The following NFRKB variants were observed in gnomAD, a reference collection of about 807,000 sequenced individuals.
NFRKB encodes nuclear factor related to kappa-B-binding protein.
A neutral mutation model predicts 135.7 loss-of-function variants in NFRKB; 62 were observed. The ratio of observed to expected loss-of-function variants is 0.46; its 90% CI spans 0.37 to 0.56. The LOEUF is 0.56. Among genes scored for constraint, NFRKB ranks in the 20% least tolerant of loss-of-function variants. The pLI, the probability that NFRKB is intolerant of heterozygous loss-of-function variation, is 0.00. For missense variants in NFRKB, 1,545 were observed against 1,662.0 expected (o/e 0.93, Z 1.22); for synonymous variants, 678 against 635.6 (o/e 1.07, Z -1.00).
chr11:129,875,455 C>T lies in NFRKB; in HGVS notation c.1756G>A (p.Ala586Thr), dbSNP rs1411585753. Residue 586 changes from alanine (A) to threonine (T), a missense_variant, in exon 18 of 27, where the codon GCT becomes ACT. Around this residue, in one of 3 missense-constraint regions of NFRKB, gnomAD observed 114 missense variants for 211.0 expected, o/e 0.54. Coordinates refer to ENST00000682444, the MANE Select transcript of NFRKB (RefSeq NM_001143835.2). Reference protein sequence around the residue: ...YVTILSLVRDAAARLPNGEGT... With the variant: ...YVTILSLVRDTAARLPNGEGT... ...TCTCCATTAGGCAGTCGAGCCGCAG[C>T]GTCCCGAACTGATGACATGAGAAAG... 1.2e-6 allele frequency: 2 copies of T among 1,602,930 alleles called. No individual in the cohort carries two copies. The highest frequency in any genetic ancestry group is 1.7e-6 in the Non-Finnish European group (2 of 1,175,382).
At chr11:129,888,016 G>A (rs1011077975) in intron 4 of NFRKB, among the ~76,000 whole-genome samples, 1 of 152,036 alleles carries the variant, frequency 6.6e-6, no homozygotes, top group African/African-American at 2.4e-5. Flanking sequence ...CAGCCTGGGC[G>A]ACACAGCGAG....
Position 129,888,655 on chromosome 11 carries a change from C to G in NFRKB, c.276G>C (p.Leu92Phe). 6.2e-7 allele frequency: 1 copy of G among 1,614,202 alleles called. No individual in the cohort carries two copies. Among genetic ancestry groups the G allele is most frequent in the Non-Finnish European group, 8.5e-7 (1 of 1,180,044 alleles). Residue 92 changes from leucine (L) to phenylalanine (F), a missense_variant, in exon 4 of 27, where the codon TTG (leucine) becomes TTC (phenylalanine). Leu to Phe is a conservative substitution (Grantham distance 22, BLOSUM62 0). Transcript: ENST00000682444. ...AEQQNELILA[L>F]FSGENFRFGN... ...CAAAGCGGAAGTTCTCCCCACTGAA[C>G]AAGGCTAAGATGAGTTCATTCTGCT...
Position 129,886,308 on chromosome 11 carries a change from A to G in NFRKB, c.465+9T>C. The G allele has an allele frequency of 6.2e-7, 1 of 1,613,536 alleles. No individual in the cohort carries two copies. The highest frequency in any genetic ancestry group is 8.5e-7 in the Non-Finnish European group (1 of 1,179,624). On this transcript the variant is annotated intron_variant, in intron 5 of 26. Coordinates refer to ENST00000682444, the MANE Select transcript of NFRKB (RefSeq NM_001143835.2). ...CCACATTTTATATCCAGTTCCCAGC[A>G]CTACTTACACTCCGGGAAGCAAGAA...
In NFRKB at chr11:129,893,088, T is replaced by A. The variant is rs943074130; in HGVS notation, c.-21-218A>T. 41 of 1,411,360 alleles carry A rather than the reference T, an allele frequency of 2.9e-5. 1 individual carries two copies. The Admixed American group carries it at 1.2e-3, about 40-fold the overall frequency. The allele number at this position is 1,411,360 out of a possible 1,614,324, so 87.4% of individuals were successfully genotyped here. A position where few individuals can be genotyped will look rare whatever the true frequency, so the allele number is the denominator to read the frequency against. On this transcript the variant is annotated intron_variant, in intron 2 of 26. Transcript: ENST00000682444. ...TGGAAGAGCTCTTTTCTCAGAATGC[T>A]CCTACAGTAACTCCTAAATTCATAA...
rs182935849 is a variant in NFRKB, at chr11:129,877,350, T to A, written c.1547A>T (p.Glu516Val). ...CTGCTCCTGAAAAACCCGTTTCTCCTCCCCCGTGCTGGGACGCACCACATA... is the reference window on the plus strand; with the variant it reads ...CTGCTCCTGAAAAACCCGTTTCTCCACCCCCGTGCTGGGACGCACCACATA... ...TDYVVRPSTG[E>V]EKRVFQEQER... Residue 516 changes from glutamate (E) to valine (V), a missense_variant, in exon 16 of 27, where the codon GAG becomes GTG. By Grantham distance (121) the Glu-to-Val change is moderately radical (BLOSUM62 -2). Transcript: ENST00000682444. The A allele has an allele frequency of 3.1e-6, 5 of 1,614,066 alleles. No homozygotes were observed. In the African/African-American group the frequency reaches 5.3e-5, roughly 17 times the overall value.
chr11:129,893,059 T>TA, intron 2 of NFRKB, 189 bp from the exon 3 acceptor site: 1 of 1,430,188 alleles, frequency 7.0e-7, no homozygotes, highest in Non-Finnish European at 9.1e-7. Context: ...TTTCAAGTCT[T>TA]ACCTGGAAGA....
At chr11:129,892,546 TA>T (rs1258560275) in intron 3 of NFRKB, among the ~76,000 whole-genome samples, 168 bp downstream of exon 3, 1 of 152,134 alleles carries the variant, frequency 6.6e-6, no homozygotes, top group African/African-American at 2.4e-5. Flanking sequence ...AATCGGATAT[TA>T]AATAGACTCT....
In NFRKB at chr11:129,883,212, T is replaced by C. The variant is rs1949114441; in HGVS notation, c.817-6A>G. On this transcript the variant is annotated splice_polypyrimidine_tract_variant and splice_region_variant and intron_variant, in intron 8 of 26. Transcript: ENST00000682444. Reference sequence around the variant, plus strand: ...GTCAAAAGGTCCGGGTGATCCTAGATGTGATATCCAGAATTTGGTCATGGA... The same window carrying C: ...GTCAAAAGGTCCGGGTGATCCTAGACGTGATATCCAGAATTTGGTCATGGA... 3.7e-6 allele frequency: 6 copies of C among 1,613,498 alleles called. No individual in the cohort carries two copies. Among genetic ancestry groups the C allele is most frequent in the Non-Finnish European group, 5.1e-6 (6 of 1,179,792 alleles).
chr11:129,868,400 G>A (rs1282524109), intron 24 of NFRKB, among the ~76,000 whole-genome samples: 2 of 152,190 alleles, frequency 1.3e-5, no homozygotes, highest in East Asian at 3.9e-4. Context: ...CTTTTCACCA[G>A]TAAGACAGGT....
intron 3 of NFRKB, among the ~76,000 whole-genome samples, chr11:129,889,065 G>A (rs959216679): frequency 1.3e-5 from 2 of 151,560 alleles, no homozygotes; most frequent in South Asian, 2.1e-4. Context: ...AGACTCAAGC[G>A]ATTCTCCTAC....
At chr11:129,877,277 T>C (rs770268992) in intron 16 of NFRKB, 48 bp downstream of exon 16, 1 of 1,576,266 alleles carries the variant, frequency 6.3e-7, no homozygotes, top group South Asian at 1.1e-5. Flanking sequence ...AGCATCTCTC[T>C]GCATGGCTCA....
chr11:129,875,289 G>A, intron 18 of NFRKB, 68 bp downstream of exon 18: 1 of 1,268,454 alleles, frequency 7.9e-7, no homozygotes, highest in South Asian at 1.3e-5. Context: ...GTTATATTTT[G>A]TATTTCCTGA....
intron 15 of NFRKB, among the ~76,000 whole-genome samples, chr11:129,878,060 T>C (rs1948853802): frequency 6.6e-6 from 1 of 152,166 alleles, no homozygotes; most frequent in Non-Finnish European, 1.5e-5. Context: ...TAAAAAAGTA[T>C]GTCCACCTAC....
At position 129,874,167 on chromosome 11, in the gene NFRKB, G is replaced by A. The variant is rs747044052; in HGVS notation, c.2225C>T (p.Ala742Val). Residue 742 changes from alanine (A) to valine (V), a missense_variant, in exon 21 of 27, where the codon GCA (alanine) becomes GTA (valine). By Grantham distance (64) the Ala-to-Val change is moderately conservative. Around this residue, in one of 3 missense-constraint regions of NFRKB, gnomAD observed 753 missense variants for 804.3 expected, o/e 0.94. Coordinates refer to ENST00000682444, the MANE Select transcript of NFRKB (RefSeq NM_001143835.2). This position sits in a 1 kb window ranked among gnomAD's most constrained non-coding sequence, Gnocchi z 4.5. ...AIPISPPPVSAVNKSGPSTVS... is the reference protein window; with the variant it reads ...AIPISPPPVSVVNKSGPSTVS... Reference sequence around the variant, plus strand: ...TGTGGAAGGGCCGCTTTTGTTCACTGCCGATACAGGTGGAGGGGAGATGGG... The same window carrying A: ...TGTGGAAGGGCCGCTTTTGTTCACTACCGATACAGGTGGAGGGGAGATGGG... The A allele has an allele frequency of 1.6e-5, 24 of 1,524,726 alleles. No homozygotes were observed. The highest frequency in any genetic ancestry group is 2.1e-5 in the Non-Finnish European group (24 of 1,137,674). The allele number at this position is 1,524,726 out of a possible 1,614,324, so 94.4% of individuals were successfully genotyped here. A position where few individuals can be genotyped will look rare whatever the true frequency, so the allele number is the denominator to read the frequency against.
chr11:129,865,851 T>C (rs1216321614), intron 25 of NFRKB, 26 bp downstream of exon 25: 1 of 1,609,940 alleles, frequency 6.2e-7, no homozygotes, highest in South Asian at 1.1e-5. Context: ...CCCGAATTGG[T>C]TCCTTTACCA....
At position 129,882,981 on chromosome 11, in the gene NFRKB, A is replaced by C. The variant is rs547216733; in HGVS notation, c.901+141T>G. On this transcript the variant is annotated intron_variant, in intron 9 of 26. Coordinates refer to ENST00000682444, the MANE Select transcript of NFRKB (RefSeq NM_001143835.2). ...TGTACTGATTTTACATTCATTTCCC[A>C]CCTGTTAGCCTGTAAGAGGTAATAA... 5.7e-6 allele frequency: 4 copies of C among 701,050 alleles called. No individual in the cohort carries two copies. In the South Asian group the frequency reaches 7.5e-5, roughly 13 times the overall value. The allele number at this position is 701,050 out of a possible 1,614,324, so 43.4% of individuals were successfully genotyped here.
In NFRKB at chr11:129,864,822, T is replaced by C; in HGVS notation, c.3803A>G (p.His1268Arg). 3.7e-6 allele frequency: 6 copies of C among 1,614,102 alleles called. No homozygotes were observed. Among genetic ancestry groups the C allele is most frequent in the Non-Finnish European group, 5.1e-6 (6 of 1,179,958 alleles). ...QVRIQTVPAS[H>R]LQQGTASGSS... The stretch of plus-strand genomic sequence containing the variant: ...GCCAGAAGCTGTTCCCTGTTGGAGA[T>C]GGGATGCAGGGACAGTCTGGATGCG... Residue 1268 changes from histidine (H) to arginine (R), a missense_variant, in exon 27 of 27, where the codon CAT becomes CGT. By Grantham distance (29) the His-to-Arg change is conservative. This residue lies in a region of NFRKB where 753 missense variants were observed against 804.3 expected (regional missense o/e 0.94). Transcript: ENST00000682444.
intron 2 of NFRKB, chr11:129,893,234 G>GT: frequency 1.8e-6 from 1 of 566,398 alleles, no homozygotes; most frequent in Non-Finnish European, 2.9e-6. Context: ...TGTAATTTCT[G>GT]TAACAACTGT....
At chr11:129,880,182 C>CT (rs1400460491) in intron 13 of NFRKB, among the ~76,000 whole-genome samples, 1 of 152,076 alleles carries the variant, frequency 6.6e-6, no homozygotes, top group Non-Finnish European at 1.5e-5. Flanking sequence ...GAGCAAGACT[C>CT]TGTCTCAAAA....
Sources: allele counts gnomAD v4.1 joint callset (sites outside exome capture counted in the v4.1 genomes callset), GRCh38; gene constraint gnomAD v4.1.1; regional missense constraint gnomAD v4.1.1; non-coding constraint Gnocchi (gnomAD v3.1); transcripts MANE v1.5; gene names NCBI Gene and HGNC (gene_info 2026-07-23, HGNC 2026-07-21).